PRDM11: variants seen among roughly 807,000 people sequenced by gnomAD.
The protein encoded by PRDM11 is PR domain-containing protein 11.
A neutral mutation model predicts 97.8 loss-of-function variants in PRDM11; 20 were observed. The ratio of observed to expected loss-of-function variants is 0.20; its 90% confidence interval spans 0.14 to 0.30. PRDM11 has a LOEUF of 0.30. Ranked by LOEUF, PRDM11 falls within the 10% of genes least tolerant of loss-of-function variation. The probability of loss-of-function intolerance (pLI) is 1.00; values close to 1 mark genes in which losing one functional copy is unlikely to be tolerated. For synonymous variants in PRDM11, 599 were observed against 637.7 expected (o/e 0.94, Z 0.91); for missense variants, 1,139 against 1,555.2 (o/e 0.73, Z 4.50).
chr11:45,212,546 G>A, intron 5 of PRDM11: 1 of 455,834 alleles, frequency 2.2e-6, no homozygotes, highest in Non-Finnish European at 4.4e-6. Flanking sequence ...GGAGGAAGAG[G>A]CCCACCTGGC....
Position 45,224,118 on chromosome 11 carries a change from T to C in PRDM11, c.743-99T>C, listed in dbSNP as rs529421655. 38 of 1,357,964 alleles carry C rather than the reference T, an allele frequency of 2.8e-5. No homozygotes were observed. The African/African-American group carries it at 5.2e-4, about 19-fold the overall frequency. 84.1% of individuals were successfully genotyped at this position (1,357,964 alleles called of 1,614,324 possible). On this transcript the variant is annotated intron_variant, in intron 6 of 7. Coordinates refer to ENST00000683152, the MANE Select transcript of PRDM11 (RefSeq NM_001384648.1). ...CCCCAAAAGCCCAGATCTAGAGGGA[T>C]GTGTCAGGTGACCTAACAGGAGGCC...
At chr11:45,193,834 A>G (rs1853002723) in intron 4 of PRDM11, among the ~76,000 whole-genome samples, 1 of 152,174 alleles carries the variant, frequency 6.6e-6, no homozygotes, top group African/African-American at 2.4e-5. Context: ...TTTGGCTGAC[A>G]TAGCTGGGCT....
At chr11:45,187,319 T>C (rs974623765) in intron 4 of PRDM11, among the ~76,000 whole-genome samples, 3 of 152,104 alleles carry the variant, frequency 2.0e-5, no homozygotes, top group African/African-American at 7.2e-5. Flanking sequence ...TCACAGCCTA[T>C]TGGAAAATTG....
chr11:45,122,202 GACACACACACACACAC>G (rs756403475), intron 1 of PRDM11, among the ~76,000 whole-genome samples: 4 of 145,028 alleles, frequency 2.8e-5, no homozygotes, highest in Non-Finnish European at 6.1e-5. Flanking sequence ...CACACACACA[GACACACACACACACAC>G]ACACACACAC....
intron 7 of PRDM11, among the ~76,000 whole-genome samples, chr11:45,225,772 G>A (rs1854260427): frequency 6.6e-6 from 1 of 152,202 alleles, no homozygotes; most frequent in South Asian, 2.1e-4. Context: ...TCTGGTGGGT[G>A]TGACAAGGCA....
intron 1 of PRDM11, among the ~76,000 whole-genome samples, chr11:45,127,287 T>C (rs1474869950): frequency 1.3e-5 from 2 of 152,228 alleles, no homozygotes; most frequent in African/African-American, 4.8e-5. Context: ...TTGAATTTCC[T>C]CCTGTAGCTC....
At chr11:45,100,123 T>A (rs1448274657) in intron 1 of PRDM11, among the ~76,000 whole-genome samples, 1 of 152,208 alleles carries the variant, frequency 6.6e-6, no homozygotes, top group Non-Finnish European at 1.5e-5. Flanking sequence ...CTACATCAAT[T>A]ACACTATGTA....
intron 1 of PRDM11, among the ~76,000 whole-genome samples, chr11:45,109,149 T>C (rs1852121500): frequency 6.6e-6 from 1 of 152,146 alleles, no homozygotes; most frequent in African/African-American, 2.4e-5. Context: ...CTCTGACCTG[T>C]GCTTAGGCAC....
chr11:45,186,499 G>A (rs112060510), intron 4 of PRDM11, among the ~76,000 whole-genome samples: 1,599 of 152,308 alleles, frequency 0.01, 15 homozygotes, highest in Middle Eastern at 0.044. Context: ...GAGGAGAGAA[G>A]AGGCATTTCC....
intron 1 of PRDM11, among the ~76,000 whole-genome samples, chr11:45,162,360 AAGTAAGGCTCAG>A (rs1851950549): frequency 6.6e-6 from 1 of 152,000 alleles, no homozygotes; most frequent in Admixed American, 6.6e-5. Context: ...AGGCTGGAGA[AAGTAAGGCTCAG>A]AGAGGCCCAA....
intron 1 of PRDM11, among the ~76,000 whole-genome samples, chr11:45,161,254 T>C (rs1269512878): frequency 6.6e-6 from 1 of 152,240 alleles, no homozygotes; most frequent in Non-Finnish European, 1.5e-5. Context: ...GGGTGTCTTC[T>C]CTGAATGAGC....
At chr11:45,209,341 C>T (rs1444568677) in intron 5 of PRDM11, 7 of 354,132 alleles carry the variant, frequency 2.0e-5, no homozygotes, top group Non-Finnish European at 3.9e-5. Context: ...CTGCCTGCCC[C>T]CCAGCTTACA....
intron 1 of PRDM11, chr11:45,147,350 G>C (rs1169194215): frequency 6.6e-6 from 1 of 152,000 alleles, no homozygotes; most frequent in African/African-American, 2.4e-5. Flanking sequence ...CCTAGTTCTC[G>C]CGGACGCCCT....
intron 4 of PRDM11, 55 bp downstream of exon 4, chr11:45,183,178 A>C: frequency 6.4e-7 from 1 of 1,558,206 alleles, no homozygotes; most frequent in Non-Finnish European, 8.7e-7. Context: ...ATGGAAGGAA[A>C]CCACCAGGGG....
chr11:45,136,828 G>C (rs1852858055), intron 1 of PRDM11, among the ~76,000 whole-genome samples: 1 of 152,004 alleles, frequency 6.6e-6, no homozygotes, highest in Admixed American at 6.6e-5. Flanking sequence ...GCACTGAGGA[G>C]GGTGGGAAAC....
intron 1 of PRDM11, among the ~76,000 whole-genome samples, chr11:45,164,546 C>A (rs1852013380): frequency 6.6e-6 from 1 of 152,238 alleles, no homozygotes; most frequent in Non-Finnish European, 1.5e-5. Flanking sequence ...TGTGGTGAGC[C>A]CCTCTTGCAG....
chr11:45,132,367 G>T (rs11038319), intron 1 of PRDM11, among the ~76,000 whole-genome samples: 1 of 152,070 alleles, frequency 6.6e-6, no homozygotes, highest in Non-Finnish European at 1.5e-5. Flanking sequence ...CATAAACCAA[G>T]CTCTGAACTT....
chr11:45,123,282 A>G (rs905176690), intron 1 of PRDM11, among the ~76,000 whole-genome samples: 12 of 152,092 alleles, frequency 7.9e-5, no homozygotes, highest in Non-Finnish European at 1.3e-4. Context: ...ATTTTCTCCC[A>G]TTTTGTAGGT....
chr11:45,155,349 A>G (rs930051161), intron 1 of PRDM11, among the ~76,000 whole-genome samples: 8 of 152,172 alleles, frequency 5.3e-5, no homozygotes, highest in Admixed American at 1.3e-4. Flanking sequence ...CCAGACCCTC[A>G]GCCCCAGAAG....
Sources: gnomAD v4.1 joint callset for allele counts (sites outside exome capture counted in the v4.1 genomes callset) on GRCh38, gnomAD v4.1.1 for gene constraint, MANE v1.5 for transcripts, NCBI Gene and HGNC (gene_info 2026-07-23, HGNC 2026-07-21) for gene names.